ZSCAN5A: variants seen among roughly 807,000 people sequenced by gnomAD.
ZSCAN5A encodes zinc finger and SCAN domain-containing protein 5A.
ZSCAN5A carries 12 observed loss-of-function variants against 23.7 expected under a neutral mutation model. That is an observed-to-expected ratio of 0.51 (90% CI 0.32 to 0.82). The LOEUF is 0.82. ZSCAN5A is among the 40% of genes least tolerant of loss of function. The pLI, the probability that ZSCAN5A is intolerant of heterozygous loss-of-function variation, is 0.03. For missense variants in ZSCAN5A, 597 were observed against 617.9 expected (o/e 0.97, Z 0.36); for synonymous variants, 257 against 239.9 (o/e 1.07, Z -0.66).
intron 2 of ZSCAN5A, among the ~76,000 whole-genome samples, chr19:56,339,383 G>C (rs1455544259): frequency 1.6e-5 from 2 of 122,736 alleles, no homozygotes; most frequent in African/African-American, 6.4e-5. Flanking sequence ...GCCGCATTTA[G>C]CAATATGTGA....
chr19:56,251,683 G>A (rs2036355415), intron 2 of ZSCAN5A, among the ~76,000 whole-genome samples: 1 of 152,152 alleles, frequency 6.6e-6, no homozygotes, highest in African/African-American at 2.4e-5. Context: ...ATTGTGTTAA[G>A]TGAAATAAGC....
chr19:56,251,695 A>G (rs2036356423), intron 2 of ZSCAN5A, among the ~76,000 whole-genome samples: 1 of 152,178 alleles, frequency 6.6e-6, no homozygotes, highest in African/African-American at 2.4e-5. Flanking sequence ...GAAATAAGCC[A>G]GTCCAAGTTA....
At chr19:56,255,201 T>C (rs1216678856) in intron 2 of ZSCAN5A, among the ~76,000 whole-genome samples, 1 of 152,186 alleles carries the variant, frequency 6.6e-6, no homozygotes, top group African/African-American at 2.4e-5. Flanking sequence ...GAAAGGAACT[T>C]CCATTTTAGT....
At chr19:56,305,875 G>A (rs140775620) in intron 2 of ZSCAN5A, among the ~76,000 whole-genome samples, 1 of 152,020 alleles carries the variant, frequency 6.6e-6, no homozygotes, top group Non-Finnish European at 1.5e-5. Flanking sequence ...CAGAAAACAA[G>A]TGAAAGAGCC....
chr19:56,355,259 A>G, intron 2 of ZSCAN5A, among the ~76,000 whole-genome samples: 1 of 148,718 alleles, frequency 6.7e-6, no homozygotes, highest in East Asian at 1.9e-4. Context: ...TATTGCTTAA[A>G]TCAAAACTTA....
chr19:56,328,994 C>CAAAAAAAAAA (rs61646242), intron 2 of ZSCAN5A, among the ~76,000 whole-genome samples: 1 of 106,382 alleles, frequency 9.4e-6, no homozygotes, highest in African/African-American at 3.0e-5. Flanking sequence ...GACTCCGTCT[C>CAAAAAAAAAA]AAAAAAAAAA....
chr19:56,324,373 G>C (rs1436443007), intron 2 of ZSCAN5A, among the ~76,000 whole-genome samples: 1 of 152,060 alleles, frequency 6.6e-6, no homozygotes, highest in Admixed American at 6.6e-5. Context: ...TTGGTCAAGA[G>C]GTATATGAAA....
chr19:56,367,414 C>G (rs1426965178), intron 1 of ZSCAN5A: 2 of 152,140 alleles, frequency 1.3e-5, no homozygotes, highest in Non-Finnish European at 2.9e-5. Flanking sequence ...GCAAAAGAGG[C>G]AAAAACTGGC....
Position 56,223,811 on chromosome 19 carries a change from C to T in ZSCAN5A, c.408G>A (p.Lys136=), listed in dbSNP as rs1270489245. The change falls in exon 4 of 6, where the codon AAG becomes AAA. Residue 136 remains lysine, a synonymous_variant. Coordinates refer to ENST00000683990, the MANE Select transcript of ZSCAN5A (RefSeq NM_001322064.3). ...TATCTGAGTCCTGCACAATATATTC[C>T]TTTCCGTGGAAGGTGACCACAGACT... ...KKWSVVTFHG[K]EYIVQDSDIE... 8 of 1,613,068 alleles carry T rather than the reference C, an allele frequency of 5.0e-6. No homozygotes were observed. Among genetic ancestry groups the T allele is most frequent in the Non-Finnish European group, 6.8e-6 (8 of 1,179,988 alleles).
intron 2 of ZSCAN5A, among the ~76,000 whole-genome samples, chr19:56,307,158 G>C (rs1489847468): frequency 6.9e-6 from 1 of 144,338 alleles, no homozygotes; most frequent in African/African-American, 2.6e-5. Flanking sequence ...AAAGTACTAA[G>C]GACAGATGGG....
chr19:56,284,973 T>A, intron 2 of ZSCAN5A: 1 of 982,992 alleles, frequency 1.0e-6, no homozygotes, highest in Non-Finnish European at 1.2e-6. Context: ...CATTTGCACA[T>A]CATGTGTTAT....
At chr19:56,342,281 T>C (rs956445436) in intron 2 of ZSCAN5A, among the ~76,000 whole-genome samples, 2 of 149,500 alleles carry the variant, frequency 1.3e-5, no homozygotes, top group Non-Finnish European at 1.5e-5. Context: ...CTTTCTCATA[T>C]AAAATTATTT....
intron 2 of ZSCAN5A, among the ~76,000 whole-genome samples, chr19:56,284,659 C>T (rs991324616): frequency 6.6e-6 from 1 of 151,798 alleles, no homozygotes; most frequent in Admixed American, 6.6e-5. Context: ...GGATTACAGG[C>T]ACCCACCACC....
intron 2 of ZSCAN5A, among the ~76,000 whole-genome samples, chr19:56,357,360 C>T (rs2041705923): frequency 6.7e-6 from 1 of 148,576 alleles, no homozygotes; most frequent in South Asian, 2.1e-4. Flanking sequence ...TTTATCATTA[C>T]ATAATACTTA....
chr19:56,247,237 A>T, intron 2 of ZSCAN5A: 2 of 447,038 alleles, frequency 4.5e-6, no homozygotes, highest in Non-Finnish European at 8.3e-6. Flanking sequence ...CACATGTGAC[A>T]TCTGTCACAA....
chr19:56,245,318 G>C (rs753497716), intron 2 of ZSCAN5A: 5 of 745,538 alleles, frequency 6.7e-6, no homozygotes, highest in South Asian at 2.8e-5. Context: ...TCCGAGAGGC[G>C]TGTCCAGCCA....
intron 2 of ZSCAN5A, among the ~76,000 whole-genome samples, chr19:56,330,569 T>C (rs1352933471): frequency 6.6e-6 from 1 of 152,184 alleles, no homozygotes; most frequent in Non-Finnish European, 1.5e-5. Context: ...GTTTTGACTT[T>C]CATTTCTCTG....
At chr19:56,284,779 C>T (rs1413343266) in intron 2 of ZSCAN5A, among the ~76,000 whole-genome samples, 2 of 152,052 alleles carry the variant, frequency 1.3e-5, no homozygotes, top group Non-Finnish European at 2.9e-5. Flanking sequence ...CCCCAAAGTG[C>T]TAGGATTACA....
intron 2 of ZSCAN5A, among the ~76,000 whole-genome samples, chr19:56,259,651 G>A (rs1265136935): frequency 1.3e-5 from 2 of 152,236 alleles, no homozygotes; most frequent in Non-Finnish European, 2.9e-5. Context: ...CAGGATTTGT[G>A]TGCATGCCAA....
Sources: allele counts gnomAD v4.1 joint callset (sites outside exome capture counted in the v4.1 genomes callset), GRCh38; gene constraint gnomAD v4.1.1; transcripts MANE v1.5; gene names NCBI Gene and HGNC (gene_info 2026-07-23, HGNC 2026-07-21).